The following DPP10 variants were observed in gnomAD, a reference collection of about 807,000 sequenced individuals.
DPP10 encodes the protein inactive dipeptidyl peptidase 10.
A neutral mutation model predicts 120.9 loss-of-function variants in DPP10; 33 were observed. That is an observed-to-expected ratio of 0.27 (90% CI 0.21 to 0.37). The LOEUF is 0.37. Ranked by LOEUF, DPP10 falls within the 10% of genes least tolerant of loss-of-function variation. The pLI is 1.00. For synonymous variants in DPP10, 337 were observed against 326.1 expected, an observed-to-expected ratio of 1.03 and a Z score of -0.36; for missense variants, 816 against 942.8, an observed-to-expected ratio of 0.87 and a Z score of 1.76.
In DPP10 at chr2:114,471,069, A is replaced by G. The variant is rs548914048; in HGVS notation, c.60+28231A>G. On this transcript the variant is annotated intron_variant, in intron 1 of 25. Transcript: ENST00000410059. ...AAAATGAGAGCTTTTGCATTAAACT[A>G]TGACAACTAAAATCTATATTTAAAG... Among the ~76,000 whole-genome samples, 28 of 152,360 alleles carry G rather than the reference A, an allele frequency of 1.8e-4. No homozygotes were observed. The Middle Eastern group carries it at 0.01, about 56-fold the overall frequency.
At chr2:115,590,284 A>T (rs1438841270) in intron 5 of DPP10, among the ~76,000 whole-genome samples, 1 of 151,932 alleles carries the variant, frequency 6.6e-6, no homozygotes, top group East Asian at 1.9e-4. Flanking sequence ...CGTCATTTAC[A>T]TTAGGTATAT....
chr2:115,622,092 G>A (rs756998796), intron 5 of DPP10, among the ~76,000 whole-genome samples: 47 of 151,928 alleles, frequency 3.1e-4, no homozygotes, highest in Non-Finnish European at 5.1e-4. Flanking sequence ...GTGCATCATC[G>A]TCCTAATCTT....
chr2:115,603,122 C>CTGTGTGTGTGTGTGTG (rs61161169), intron 5 of DPP10, among the ~76,000 whole-genome samples: 1 of 143,904 alleles, frequency 6.9e-6, no homozygotes, highest in African/African-American at 2.6e-5. Flanking sequence ...ATAAATAAAA[C>CTGTGTGTGTGTGTGTG]TGTGTGTGTG....
At chr2:115,377,605 T>C (rs2065914758) in intron 3 of DPP10, among the ~76,000 whole-genome samples, 2 of 152,210 alleles carry the variant, frequency 1.3e-5, no homozygotes, top group South Asian at 4.1e-4. Context: ...GCTTTTGGTA[T>C]TTTAGACATG....
intron 13 of DPP10, 150 bp from the exon 14 acceptor site, chr2:115,777,058 G>A (rs1030999087): frequency 4.7e-6 from 3 of 642,464 alleles, no homozygotes; most frequent in African/African-American, 3.7e-5. Context: ...TTATAGGAAT[G>A]CATGTTCATT....
chr2:115,811,287 G>A (rs759409349), intron 19 of DPP10, among the ~76,000 whole-genome samples: 10 of 152,138 alleles, frequency 6.6e-5, no homozygotes, highest in African/African-American at 1.7e-4. Context: ...ATACCACTTC[G>A]TGATCTAACA....
intron 1 of DPP10, among the ~76,000 whole-genome samples, chr2:114,867,514 T>C (rs556819937): frequency 6.6e-5 from 10 of 152,326 alleles, no homozygotes; most frequent in South Asian, 2.1e-4. Flanking sequence ...TTTCCTTATG[T>C]CTCTTTCCTT....
intron 1 of DPP10, among the ~76,000 whole-genome samples, chr2:115,118,682 C>A (rs900694849): frequency 2.0e-5 from 3 of 151,994 alleles, no homozygotes; most frequent in Non-Finnish European, 4.4e-5. Flanking sequence ...TGGGTTCAAG[C>A]AATTCTCCTG....
At chr2:115,012,400 A>G (rs1224065476) in intron 1 of DPP10, among the ~76,000 whole-genome samples, 1 of 152,126 alleles carries the variant, frequency 6.6e-6, no homozygotes, top group Admixed American at 6.5e-5. Context: ...CATTAAACAA[A>G]AACACAACCA....
At chr2:115,543,504 A>G (rs2148972588) in intron 5 of DPP10, among the ~76,000 whole-genome samples, 1 of 152,124 alleles carries the variant, frequency 6.6e-6, no homozygotes, top group East Asian at 1.9e-4. Flanking sequence ...ATAGAAGTGC[A>G]TTCATTTTTG....
At chr2:115,183,038 C>T (rs1339410241) in intron 1 of DPP10, among the ~76,000 whole-genome samples, 1 of 152,008 alleles carries the variant, frequency 6.6e-6, no homozygotes, top group Non-Finnish European at 1.5e-5. Flanking sequence ...CACGTACGTG[C>T]ATGCGCACAC....
At chr2:115,148,691 G>A (rs925750916) in intron 1 of DPP10, among the ~76,000 whole-genome samples, 3 of 152,128 alleles carry the variant, frequency 2.0e-5, no homozygotes, top group Non-Finnish European at 4.4e-5. Flanking sequence ...ATTAGGCACT[G>A]TTTAAACTTT....
intron 1 of DPP10, among the ~76,000 whole-genome samples, chr2:115,032,676 T>A (rs1024292020): frequency 6.6e-6 from 1 of 151,176 alleles, no homozygotes; most frequent in African/African-American, 2.4e-5. Context: ...AGGTCAGGAG[T>A]TTGAGACCAG....
rs190544176 is a variant in DPP10, at chr2:115,584,489, G to T, written c.441+58517G>T. On this transcript the variant is annotated intron_variant, in intron 5 of 25. Transcript: ENST00000410059. ...GAAAAATGGAGGAAGAAAGAAAGAA[G>T]AATGTAGCAAAGACCATACATGGCC... Among the ~76,000 whole-genome samples the T allele has an allele frequency of 1.7e-3, 257 of 152,290 alleles. 2 individuals carry two copies. The highest frequency in any genetic ancestry group is 5.9e-3 in the African/African-American group (247 of 41,574).
At chr2:114,729,096 A>G (rs1171294705) in intron 1 of DPP10, among the ~76,000 whole-genome samples, 2 of 152,244 alleles carry the variant, frequency 1.3e-5, no homozygotes, top group African/African-American at 4.8e-5. Flanking sequence ...GAAATGTGCT[A>G]ACAAGAAACA....
At chr2:114,934,033 T>C (rs181429271) in intron 1 of DPP10, among the ~76,000 whole-genome samples, 45 of 152,308 alleles carry the variant, frequency 3.0e-4, no homozygotes, top group Admixed American at 9.2e-4. Context: ...CTACTAATGC[T>C]ATTATTTTTT....
chr2:115,661,168 C>A (rs1211118996), intron 5 of DPP10, among the ~76,000 whole-genome samples: 1 of 152,092 alleles, frequency 6.6e-6, no homozygotes, highest in Non-Finnish European at 1.5e-5. Context: ...CCAGGCTGAT[C>A]TTGAACTCCT....
At chr2:114,474,381 C>T (rs1476051270) in intron 1 of DPP10, among the ~76,000 whole-genome samples, 2 of 152,172 alleles carry the variant, frequency 1.3e-5, no homozygotes, top group African/African-American at 2.4e-5. Flanking sequence ...TCAACAAAAC[C>T]TTAGCCAACC....
chr2:114,685,032 T>C (rs1011951983), intron 1 of DPP10, among the ~76,000 whole-genome samples: 1 of 152,016 alleles, frequency 6.6e-6, no homozygotes, highest in Non-Finnish European at 1.5e-5. Context: ...ACATATTTTA[T>C]TTTTGTTTGT....
Sources: allele counts gnomAD v4.1 joint callset (sites outside exome capture counted in the v4.1 genomes callset), GRCh38; gene constraint gnomAD v4.1.1; transcripts MANE v1.5; gene names NCBI Gene and HGNC (gene_info 2026-07-23, HGNC 2026-07-21).